The following ITGA4 variants were observed in gnomAD, a reference collection of about 807,000 sequenced individuals.
ITGA4 encodes the protein integrin subunit alpha 4.
A neutral mutation model predicts 133.6 loss-of-function variants in ITGA4; 63 were observed. The observed-to-expected ratio is 0.47, with a 90% CI of 0.38 to 0.58. The LOEUF (loss-of-function observed/expected upper bound fraction) is 0.58. Among genes scored for constraint, ITGA4 ranks in the 20% least tolerant of loss-of-function variants. The probability of loss-of-function intolerance (pLI) is 0.00; values close to 1 mark genes in which losing one functional copy is unlikely to be tolerated. For missense variants in ITGA4, 1,076 were observed against 1,252.7 expected (o/e 0.86, Z 2.13); for synonymous variants, 483 against 438.0 (o/e 1.10, Z -1.28).
intron 11 of ITGA4, among the ~76,000 whole-genome samples, chr2:181,494,032 A>G (rs1686110326): frequency 6.6e-6 from 1 of 152,238 alleles, no homozygotes; most frequent in Non-Finnish European, 1.5e-5. Context: ...AAAATGAGCA[A>G]ATGGTTCTCT....
intron 10 of ITGA4, among the ~76,000 whole-genome samples, chr2:181,490,222 G>A (rs1305093632): frequency 6.6e-6 from 1 of 152,102 alleles, no homozygotes; most frequent in Non-Finnish European, 1.5e-5. Context: ...TTTCATTTCT[G>A]CCTTTTAGTT....
At position 181,529,625 on chromosome 2, in the gene ITGA4, C is replaced by T; in HGVS notation, c.2515C>T (p.Leu839=). Residue 839 remains leucine, a synonymous_variant, in exon 23 of 28, where the codon CTG becomes TTG. Coordinates refer to ENST00000397033, the MANE Select transcript of ITGA4 (RefSeq NM_000885.6). ...PNSFSPQTDK[L]FNILDVQTTT... ...TTCTTTTAGCCCCCAAACTGATAAG[C>T]TGTTCAACATTTTGGATGTCCAGGT... is the stretch of plus-strand genomic sequence containing the variant. 6.3e-7 allele frequency: 1 copy of T among 1,590,200 alleles called. No homozygotes were observed. The highest frequency in any genetic ancestry group is 8.6e-7 in the Non-Finnish European group (1 of 1,158,988).
chr2:181,478,955 A>G, intron 5 of ITGA4, 131 bp downstream of exon 5: 1 of 444,784 alleles, frequency 2.2e-6, no homozygotes, highest in Non-Finnish European at 4.0e-6. Flanking sequence ...AAACTTGAGT[A>G]TTACAACTTA....
intron 7 of ITGA4, 92 bp from the exon 8 acceptor site, chr2:181,482,268 T>A (rs1403322152): frequency 1.6e-6 from 2 of 1,276,480 alleles, no homozygotes; most frequent in African/African-American, 3.0e-5. Context: ...AACTGCAAGT[T>A]GTAAAAATTC....
chr2:181,527,688 A>C (rs1274711966), intron 22 of ITGA4, among the ~76,000 whole-genome samples: 1 of 151,338 alleles, frequency 6.6e-6, no homozygotes, highest in Non-Finnish European at 1.5e-5. Context: ...TGCTAGAGAC[A>C]CATACAGAAA....
rs1574423735 is a variant in ITGA4 at position 181,537,906 on chromosome 2, C to T, written c.*2379C>T. ...CAATGGAGCATTACTGAGTTCCTCC[C>T]CCTGTCAGATCAGCAGCAGCATTAG... On this transcript the variant is annotated 3_prime_UTR_variant, in exon 28 of 28. Coordinates refer to ENST00000397033, the MANE Select transcript of ITGA4 (RefSeq NM_000885.6). 1.8e-6 allele frequency: 1 copy of T among 567,908 alleles called. No homozygotes were observed. Among genetic ancestry groups the T allele is most frequent in the South Asian group, 1.5e-5 (1 of 65,408 alleles). The allele number at this position is 567,908 out of a possible 1,614,324, so 35.2% of individuals were successfully genotyped here. A position where few individuals can be genotyped will look rare whatever the true frequency, so the allele number is the denominator to read the frequency against.
At chr2:181,463,769 G>A (rs1165604016) in intron 2 of ITGA4, among the ~76,000 whole-genome samples, 1 of 152,090 alleles carries the variant, frequency 6.6e-6, no homozygotes, top group East Asian at 1.9e-4. Flanking sequence ...AGAGAGGTCT[G>A]TACTAGCAAA....
intron 9 of ITGA4, among the ~76,000 whole-genome samples, chr2:181,484,375 G>T (rs1388747863): frequency 1.3e-5 from 2 of 152,166 alleles, no homozygotes; most frequent in Non-Finnish European, 2.9e-5. Flanking sequence ...ACTTGAAGAA[G>T]AGTGATCACC....
chr2:181,501,246 C>T (rs1489667236), intron 15 of ITGA4, among the ~76,000 whole-genome samples: 1 of 152,128 alleles, frequency 6.6e-6, no homozygotes, highest in Non-Finnish European at 1.5e-5. Flanking sequence ...ACTTTGAGAA[C>T]AGCTGGTTCA....
In ITGA4 at chr2:181,537,763, T is replaced by C. The variant is rs1330382810; in HGVS notation, c.*2236T>C. On this transcript the variant is annotated 3_prime_UTR_variant, in exon 28 of 28. Coordinates refer to ENST00000397033, the MANE Select transcript of ITGA4 (RefSeq NM_000885.6). ...GTAAAAAAAAGAATTTGAATTGATATCTAAAAACAGAATTTGAATTGATAT... is the reference window on the plus strand; with the variant it reads ...GTAAAAAAAAGAATTTGAATTGATACCTAAAAACAGAATTTGAATTGATAT... 4.5e-6 allele frequency: 2 copies of C among 448,552 alleles called. No individual in the cohort carries two copies. Among genetic ancestry groups the C allele is most frequent in the South Asian group, 1.6e-5 (1 of 62,556 alleles). The allele number at this position is 448,552 out of a possible 1,614,324, so 27.8% of individuals were successfully genotyped here.
rs761944841 is a variant in ITGA4, at chr2:181,531,775, T to C, written c.2783T>C (p.Met928Thr). The part of the protein sequence containing the change: ...QLEGRPSILE[M>T]DETSALKFEI... ...GAAGGCCGGCCATCCATTTTAGAAA[T>C]GGTAAGTAAGTCTAAAACATTGACA... Residue 928 changes from methionine (M) to threonine (T), a missense_variant and splice_region_variant, in exon 25 of 28, where the codon ATG becomes ACG. Physicochemically the swap from Met to Thr is moderately conservative, Grantham distance 81. Around this residue, in one of 4 missense-constraint regions of ITGA4, gnomAD observed 193 missense variants for 172.3 expected, o/e 1.12. Coordinates refer to ENST00000397033, the MANE Select transcript of ITGA4 (RefSeq NM_000885.6). The C allele has an allele frequency of 1.7e-5, 27 of 1,595,898 alleles. No homozygotes were observed. The highest frequency in any genetic ancestry group is 2.1e-5 in the Non-Finnish European group (25 of 1,173,516).
chr2:181,480,123 T>TG lies in ITGA4; in HGVS notation c.625-14_625-13insG. The stretch of plus-strand genomic sequence containing the variant: ...ATTAAAGTTTAAATAATAATAGTTT[T>TG]TTTTTTCTTACAGGATTTAATTGTG... On this transcript the variant is annotated splice_polypyrimidine_tract_variant and intron_variant, in intron 5 of 27. Coordinates refer to ENST00000397033, the MANE Select transcript of ITGA4 (RefSeq NM_000885.6). 1 of 1,541,218 alleles carries TG rather than the reference T, an allele frequency of 6.5e-7. No homozygotes were observed. Among genetic ancestry groups the TG allele is most frequent in the Non-Finnish European group, 8.7e-7 (1 of 1,150,568 alleles).
chr2:181,495,494 C>A lies in ITGA4; in HGVS notation c.1385+78C>A. On this transcript the variant is annotated intron_variant, in intron 13 of 27. Transcript: ENST00000397033. The surrounding 1 kb of genome is among the most constrained non-coding windows in gnomAD (Gnocchi z 4.3). ...GATGGGAGGTGGTGTTTAAAATCAGCAGTGGTAGTGACCTCATGATGCTCT... is the reference window on the plus strand; with the variant it reads ...GATGGGAGGTGGTGTTTAAAATCAGAAGTGGTAGTGACCTCATGATGCTCT... 9.5e-7 allele frequency: 1 copy of A among 1,047,908 alleles called. No individual in the cohort carries two copies. Among genetic ancestry groups the A allele is most frequent in the Non-Finnish European group, 1.5e-6 (1 of 667,298 alleles). The allele number at this position is 1,047,908 out of a possible 1,614,324, so 64.9% of individuals were successfully genotyped here.
chr2:181,508,866 G>A (rs147466136), intron 15 of ITGA4, among the ~76,000 whole-genome samples: 1 of 151,910 alleles, frequency 6.6e-6, no homozygotes, highest in Admixed American at 6.6e-5. Context: ...AAAAGGGCTG[G>A]GTATGGTGGC....
At chr2:181,509,580 T>C (rs1243947071) in intron 15 of ITGA4, 78 bp from the exon 16 acceptor site, 2 of 1,173,748 alleles carry the variant, frequency 1.7e-6, no homozygotes, top group Admixed American at 2.7e-5. Flanking sequence ...TGTTTGGCCC[T>C]TTTCAGGAAA....
intron 15 of ITGA4, among the ~76,000 whole-genome samples, chr2:181,509,061 G>A (rs72900326): frequency 0.12 from 16,978 of 143,984 alleles, 1,233 homozygotes; most frequent in East Asian, 0.23. Context: ...AGGATCGCTT[G>A]AGCCCAGGAG....
chr2:181,508,215 GA>G (rs997747620), intron 15 of ITGA4, among the ~76,000 whole-genome samples: 143 of 147,446 alleles, frequency 9.7e-4, no homozygotes, highest in Middle Eastern at 3.4e-3. Flanking sequence ...TCTGATTATT[GA>G]AAAAAAAAAC....
chr2:181,496,566 G>A (rs1186363425), intron 14 of ITGA4, among the ~76,000 whole-genome samples: 1 of 152,170 alleles, frequency 6.6e-6, no homozygotes, highest in Non-Finnish European at 1.5e-5. Context: ...CCTCTGTATA[G>A]GCAACTCTCA....
intron 17 of ITGA4, 59 bp downstream of exon 17, chr2:181,511,834 C>T: frequency 1.3e-6 from 1 of 777,788 alleles, no homozygotes; most frequent in Non-Finnish European, 2.2e-6. Context: ...TGAGTGTGTG[C>T]ATTTGCATTC....
Sources: gnomAD v4.1 joint callset for allele counts (sites outside exome capture counted in the v4.1 genomes callset) on GRCh38, gnomAD v4.1.1 for gene constraint, gnomAD v4.1.1 regional missense constraint, Gnocchi (gnomAD v3.1) non-coding constraint, MANE v1.5 for transcripts, NCBI Gene and HGNC (gene_info 2026-07-23, HGNC 2026-07-21) for gene names.